The following PXDN variants were observed in gnomAD, a reference collection of about 807,000 sequenced individuals.
PXDN encodes the protein peroxidasin, also known as peroxidasin homolog.
In PXDN, 77 loss-of-function variants were observed where a neutral mutation model predicts 140.3. The observed-to-expected ratio is 0.55, with a 90% CI of 0.46 to 0.66. PXDN has a LOEUF of 0.66. PXDN is among the 30% of genes least tolerant of loss of function. The pLI, the probability that PXDN is intolerant of heterozygous loss-of-function variation, is 0.00. For missense variants in PXDN, 1,838 were observed against 2,039.5 expected (o/e 0.90, Z 1.90); for synonymous variants, 911 against 857.4 (o/e 1.06, Z -1.09).
chr2:1,694,591 C>T (rs1684257501), intron 1 of PXDN, among the ~76,000 whole-genome samples: 2 of 152,248 alleles, frequency 1.3e-5, no homozygotes, highest in Non-Finnish European at 1.5e-5. Context: ...GTGATACCCA[C>T]TGTCCACCAA....
rs1553359701 is a variant in PXDN at position 1,658,083 on chromosome 2, T to TCTCTCTCCCC, written c.1837+2797_1837+2798insGGGGAGAGAG. On this transcript the variant is annotated intron_variant, in intron 14 of 22. Coordinates refer to ENST00000252804, the MANE Select transcript of PXDN (RefSeq NM_012293.3). Reference sequence around the variant, plus strand: ...CTCTCTCTCTCTCTCTCTCTCTCTCTCTCTCTCTCTGTTACAGTGTCTGCG... The same window carrying TCTCTCTCCCC: ...CTCTCTCTCTCTCTCTCTCTCTCTCTCTCTCTCCCCCTCTCTCTCTGTTACAGTGTCTGCG... 2.5e-3 allele frequency among the ~76,000 whole-genome samples: 197 copies of TCTCTCTCCCC among 77,754 alleles called. 40 individuals carry two copies. Among genetic ancestry groups the TCTCTCTCCCC allele is most frequent in the African/African-American group, 1.0e-2 (175 of 17,576 alleles). 51.0% of individuals were successfully genotyped at this position (77,754 alleles called of 152,430 possible). A position where few individuals can be genotyped will look rare whatever the true frequency, so the allele number is the denominator to read the frequency against.
Position 1,665,005 on chromosome 2 carries a change from C to T in PXDN, c.1361G>A (p.Cys454Tyr). Residue 454 changes from cysteine to tyrosine, a missense_variant, in exon 11 of 23, where the codon TGT (cysteine) becomes TAT (tyrosine). Physicochemically the swap from Cys to Tyr is radical, Grantham distance 194. This residue lies in a region of PXDN where 537 missense variants were observed against 583.9 expected (regional missense o/e 0.92). Transcript: ENST00000252804. Reference sequence around the variant, plus strand: ...GGGCGGCGGGTTGCCCTTGGCTTCACACTGGAAATCCACGGTCTGGCCCTC... The same window carrying T: ...GGGCGGCGGGTTGCCCTTGGCTTCATACTGGAAATCCACGGTCTGGCCCTC... ...VIEGQTVDFQCEAKGNPPPVI... is the reference protein window; with the variant it reads ...VIEGQTVDFQYEAKGNPPPVI... 1 of 1,612,968 alleles carries T rather than the reference C, an allele frequency of 6.2e-7. No homozygotes were observed. The highest frequency in any genetic ancestry group is 8.5e-7 in the Non-Finnish European group (1 of 1,179,494).
rs1422460111 is a variant in PXDN at position 1,661,112 on chromosome 2, G to C, written c.1681-75C>G. On this transcript the variant is annotated intron_variant, in intron 13 of 22. Transcript: ENST00000252804. ...GAAGTTATCTGACCTAGGGTTGGGG[G>C]AGGGGAGCCATTTGTTAGGATTTGC... 21 of 1,547,334 alleles carry C rather than the reference G, an allele frequency of 1.4e-5. No individual in the cohort carries two copies. In the East Asian group the frequency reaches 4.6e-4, roughly 34 times the overall value.
chr2:1,645,413 T>G (rs1682827938), intron 17 of PXDN, among the ~76,000 whole-genome samples: 1 of 152,338 alleles, frequency 6.6e-6, no homozygotes, highest in African/African-American at 2.4e-5. Context: ...AGATGATGCC[T>G]GTTTCAACTG....
At chr2:1,710,985 C>T (rs1376376658) in intron 1 of PXDN, among the ~76,000 whole-genome samples, 4 of 60,416 alleles carry the variant, frequency 6.6e-5, no homozygotes, top group South Asian at 8.6e-4. Context: ...GCACCCGCTC[C>T]ACCAGCACCC....
intron 9 of PXDN, among the ~76,000 whole-genome samples, chr2:1,671,863 T>C (rs931154065): frequency 5.9e-5 from 9 of 152,222 alleles, no homozygotes; most frequent in Non-Finnish European, 1.2e-4. Context: ...CATGGTAGCA[T>C]ACAAGCAGCC....
intron 1 of PXDN, among the ~76,000 whole-genome samples, chr2:1,711,160 C>T (rs1684763906): frequency 8.5e-6 from 1 of 117,060 alleles, no homozygotes; most frequent in Non-Finnish European, 1.8e-5. Flanking sequence ...GCACCCGCTC[C>T]ACCAGCACCC....
rs1236782064 is a variant in PXDN, at chr2:1,639,161, G to A, written c.4073+141C>T. 20 of 1,484,432 alleles carry A rather than the reference G, an allele frequency of 1.3e-5. No individual in the cohort carries two copies. The highest frequency in any genetic ancestry group is 2.4e-5 in the East Asian group (1 of 41,566). 92.0% of individuals were successfully genotyped at this position (1,484,432 alleles called of 1,614,324 possible). On this transcript the variant is annotated intron_variant, in intron 20 of 22. Coordinates refer to ENST00000252804, the MANE Select transcript of PXDN (RefSeq NM_012293.3). This position sits in a 1 kb window ranked among gnomAD's most constrained non-coding sequence, Gnocchi z 5.0. ...GGCAGCACAGCAGGACGCAGGCTGC[G>A]GCCTGGCCCCCAGTGCCCTGGGACG...
At chr2:1,637,423 C>G (rs62116573) in intron 21 of PXDN, among the ~76,000 whole-genome samples, 5 of 119,660 alleles carry the variant, frequency 4.2e-5, no homozygotes, top group African/African-American at 6.0e-5. Context: ...AGCTGCCAGG[C>G]GATGTACACC....
Position 1,663,781 on chromosome 2 carries a change from C to A in PXDN, c.1409-18G>T. ...CTGGCTCCCTGCAAGGGCATGGGCC[C>A]GTTACACTGGACACTCGGACGCATG... On this transcript the variant is annotated intron_variant, in intron 11 of 22. Transcript: ENST00000252804. The A allele has an allele frequency of 1.9e-6, 3 of 1,609,312 alleles. No individual in the cohort carries two copies. The highest frequency in any genetic ancestry group is 1.1e-5 in the South Asian group (1 of 90,970).
intron 14 of PXDN, among the ~76,000 whole-genome samples, chr2:1,655,306 A>G (rs774556024): frequency 6.0e-5 from 9 of 151,174 alleles, no homozygotes; most frequent in Non-Finnish European, 8.9e-5. Flanking sequence ...CACATAACAC[A>G]TCACACACAC....
At chr2:1,663,931 T>A in intron 11 of PXDN, 168 bp from the exon 12 acceptor site, 2 of 741,164 alleles carry the variant, frequency 2.7e-6, no homozygotes, top group Non-Finnish European at 4.4e-6. Flanking sequence ...GACACCATGG[T>A]GACACCTGAA....
Position 1,649,439 on chromosome 2 carries a change from T to A in PXDN, c.2341A>T (p.Ile781Phe). The A allele has an allele frequency of 6.2e-7, 1 of 1,613,914 alleles. No homozygotes were observed. The highest frequency in any genetic ancestry group is 1.1e-5 in the South Asian group (1 of 91,076). ...YENGFNTPRG[I>F]NPHRLYNGHA... ...CCGTTGTACAGTCGGTGGGGGTTGA[T>A]GCCCCGAGGGGTGTTGAAGCCATTC... Residue 781 changes from isoleucine (I) to phenylalanine (F), a missense_variant, in exon 17 of 23, where the codon ATC (isoleucine) becomes TTC (phenylalanine). Ile to Phe is a conservative substitution (Grantham distance 21). Coordinates refer to ENST00000252804, the MANE Select transcript of PXDN (RefSeq NM_012293.3). This position sits in a 1 kb window ranked among gnomAD's most constrained non-coding sequence, Gnocchi z 7.1.
At position 1,648,685 on chromosome 2, in the gene PXDN, T is replaced by A; in HGVS notation, c.3095A>T (p.Gln1032Leu). 1.9e-6 allele frequency: 3 copies of A among 1,607,942 alleles called. No homozygotes were observed. Among genetic ancestry groups the A allele is most frequent in the Non-Finnish European group, 2.5e-6 (3 of 1,177,628 alleles). The change falls in exon 17 of 23, where the codon CAG becomes CTG. Residue 1032 changes from glutamine to leucine, a missense_variant. This residue lies in a region of PXDN where 850 missense variants were observed against 894.1 expected (regional missense o/e 0.95). Transcript: ENST00000252804. The surrounding 1 kb of genome is among the most constrained non-coding windows in gnomAD (Gnocchi z 8.9). ...VGAEIQHITY[Q>L]HWLPKILGEV... ...CCCCAGGATCTTCGGGAGCCAGTGC[T>A]GGTAGGTGATGTGCTGGATCTCCGC... is the stretch of plus-strand genomic sequence containing the variant.
intron 11 of PXDN, 38 bp from the exon 12 acceptor site, chr2:1,663,801 C>G (rs368945940): frequency 8.1e-6 from 13 of 1,598,262 alleles, no homozygotes; most frequent in African/African-American, 1.3e-5. Context: ...GACACTCGGA[C>G]GCATGGAGAA....
intron 8 of PXDN, among the ~76,000 whole-genome samples, 160 bp from the exon 9 acceptor site, chr2:1,673,972 A>G (rs1279975033): frequency 6.6e-6 from 1 of 152,208 alleles, no homozygotes; most frequent in Non-Finnish European, 1.5e-5. Context: ...CTGACCTAAC[A>G]GGCAATTCTG....
chr2:1,730,552 C>A (rs1013256), intron 1 of PXDN, among the ~76,000 whole-genome samples: 39,852 of 152,090 alleles, frequency 0.26, 5,620 homozygotes, highest in East Asian at 0.62. Context: ...GCACCGCAGT[C>A]AGGCTCAGGG....
intron 1 of PXDN, among the ~76,000 whole-genome samples, chr2:1,720,960 G>A (rs73182723): frequency 3.3e-5 from 5 of 152,126 alleles, no homozygotes; most frequent in African/African-American, 1.2e-4. Flanking sequence ...TCCAAAAGCC[G>A]CCTCTGCTGG....
chr2:1,653,572 G>A lies in PXDN; in HGVS notation c.2104+56C>T, dbSNP rs113913425. The A allele has an allele frequency of 1.3e-3, 2,074 of 1,590,184 alleles. 13 individuals carry two copies. The African/African-American group carries it at 0.02, about 15-fold the overall frequency. On this transcript the variant is annotated intron_variant, in intron 16 of 22. Coordinates refer to ENST00000252804, the MANE Select transcript of PXDN (RefSeq NM_012293.3). ...CCTAGGAATGTGACTTAACTGAGGCGTGTTCAACCCCGTTACTCAGGCCAT... is the reference window on the plus strand; with the variant it reads ...CCTAGGAATGTGACTTAACTGAGGCATGTTCAACCCCGTTACTCAGGCCAT...
Sources: gnomAD v4.1 joint callset for allele counts (sites outside exome capture counted in the v4.1 genomes callset) on GRCh38, gnomAD v4.1.1 for gene constraint, gnomAD v4.1.1 regional missense constraint, Gnocchi (gnomAD v3.1) non-coding constraint, MANE v1.5 for transcripts, NCBI Gene and HGNC (gene_info 2026-07-23, HGNC 2026-07-21) for gene names.